Variants in BICC1 observed in about 807,000 individuals in gnomAD.
BICC1 encodes the protein protein bicaudal C homolog 1.
BICC1 carries 43 observed loss-of-function variants against 111.0 expected under a neutral mutation model. The observed-to-expected ratio is 0.39, with a 90% confidence interval of 0.30 to 0.50. The LOEUF (loss-of-function observed/expected upper bound fraction) is 0.50. Among genes scored for constraint, BICC1 ranks in the 20% least tolerant of loss-of-function variants. BICC1 has a pLI of 0.88. For missense variants in BICC1, 1,091 were observed against 1,203.2 expected (o/e 0.91, Z 1.38); for synonymous variants, 467 against 434.4 (o/e 1.07, Z -0.93).
chr10:58,812,399 T>C (rs1179189115), intron 17 of BICC1, among the ~76,000 whole-genome samples: 4 of 152,028 alleles, frequency 2.6e-5, no homozygotes, highest in Non-Finnish European at 4.4e-5. Context: ...TCAAGCACAC[T>C]GAGTTTAAGA....
chr10:58,685,466 G>A (rs889120802), intron 2 of BICC1, among the ~76,000 whole-genome samples: 2 of 152,154 alleles, frequency 1.3e-5, no homozygotes, highest in East Asian at 3.9e-4. Context: ...TGACAGTAGG[G>A]TGTTAAAATC....
intron 20 of BICC1, chr10:58,823,141 C>A: frequency 1.6e-6 from 1 of 629,012 alleles, no homozygotes; most frequent in Non-Finnish European, 2.0e-6. Flanking sequence ...TACAGGGACT[C>A]AGTGAAAGGA....
At chr10:58,722,185 T>C (rs1188319466) in intron 3 of BICC1, among the ~76,000 whole-genome samples, 1 of 152,224 alleles carries the variant, frequency 6.6e-6, no homozygotes, top group Non-Finnish European at 1.5e-5. Flanking sequence ...CCGGTTTCCA[T>C]GAGCAGTCAT....
chr10:58,711,821 A>T (rs1178134476), intron 3 of BICC1, among the ~76,000 whole-genome samples: 49 of 86,550 alleles, frequency 5.7e-4, no homozygotes, highest in African/African-American at 1.2e-3. Context: ...TTTTTTTTTT[A>T]AAGATATTTT....
chr10:58,512,812 G>T (rs1319150389), upstream of BICC1, among the ~76,000 whole-genome samples: 3 of 150,278 alleles, frequency 2.0e-5, no homozygotes, highest in Admixed American at 6.6e-5. Flanking sequence ...CTGTAGGGGC[G>T]GCGGGCGGGG....
intron 3 of BICC1, among the ~76,000 whole-genome samples, chr10:58,709,077 C>T (rs1840490823): frequency 6.6e-6 from 1 of 152,160 alleles, no homozygotes; most frequent in Non-Finnish European, 1.5e-5. Context: ...AAAATCCTCT[C>T]TTGTAGCTAT....
At chr10:58,708,279 A>C (rs1407894630) in intron 3 of BICC1, among the ~76,000 whole-genome samples, 1 of 152,140 alleles carries the variant, frequency 6.6e-6, no homozygotes, top group Non-Finnish European at 1.5e-5. Flanking sequence ...CGTGTGAGCC[A>C]CCATGCCTGG....
intron 3 of BICC1, among the ~76,000 whole-genome samples, chr10:58,704,411 C>T (rs889698062): frequency 3.3e-5 from 5 of 152,228 alleles, no homozygotes; most frequent in South Asian, 2.1e-4. Context: ...TTTAAGCACA[C>T]AGCTGCTGAA....
intron 20 of BICC1, among the ~76,000 whole-genome samples, chr10:58,827,013 G>T (rs1844419548): frequency 6.6e-6 from 1 of 152,234 alleles, no homozygotes; most frequent in Non-Finnish European, 1.5e-5. Context: ...AAGTCAGGAA[G>T]TAACTTGCCA....
In BICC1 at chr10:58,676,906, CAG is replaced by C. The variant is rs1839362701; in HGVS notation, c.238-25167_238-25166del. ...CCTCCGCTGGTGATATCGAGGCAAA[CAG>C]GGTCTGCAGTGGACCTCCAGCAAAC... On this transcript the variant is annotated intron_variant, in intron 2 of 20. Coordinates refer to ENST00000373886, the MANE Select transcript of BICC1 (RefSeq NM_001080512.3). Among the ~76,000 whole-genome samples, 3 of 152,302 alleles carry C rather than the reference CAG, an allele frequency of 2.0e-5. No individual in the cohort carries two copies. The South Asian group carries it at 6.2e-4, about 32-fold the overall frequency.
chr10:58,749,015 T>TATTTG (rs1841914355), intron 3 of BICC1, among the ~76,000 whole-genome samples: 1 of 152,194 alleles, frequency 6.6e-6, no homozygotes, highest in African/African-American at 2.4e-5. Context: ...TACTTAATAC[T>TATTTG]CAGGGCTATT....
intron 1 of BICC1, among the ~76,000 whole-genome samples, chr10:58,586,633 C>A (rs7476374): frequency 4.5e-4 from 66 of 147,300 alleles, no homozygotes; most frequent in African/African-American, 5.0e-4. Flanking sequence ...AAAAAAAAAA[C>A]AAAAAAAAAC....
intron 3 of BICC1, among the ~76,000 whole-genome samples, chr10:58,752,069 G>A (rs1343550638): frequency 6.6e-6 from 1 of 152,058 alleles, no homozygotes; most frequent in Non-Finnish European, 1.5e-5. Context: ...ACATAAAATT[G>A]GATGTTGTAT....
chr10:58,543,833 T>TA (rs11393752), intron 1 of BICC1, among the ~76,000 whole-genome samples: 65,100 of 134,684 alleles, frequency 0.48, 15,626 homozygotes, highest in African/African-American at 0.53. Context: ...TAACCATAAT[T>TA]AAAAAAAAAA....
rs745550961 is a variant in BICC1 at position 58,620,892 on chromosome 10, T to C, written c.228T>C (p.Phe76=). The C allele has an allele frequency of 9.9e-6, 16 of 1,613,436 alleles. No homozygotes were observed. Among genetic ancestry groups the C allele is most frequent in the Non-Finnish European group, 1.4e-5 (16 of 1,179,754 alleles). ...GGAAAGGCAGAAGTGGGGAAGACTT[T>C]TTTCAAAAGGTAAGTTGTCTTTTAC... ...AEGKGRSGED[F]FQKIMEETNT... Residue 76 remains phenylalanine, a synonymous_variant, in exon 2 of 21, where the codon TTT becomes TTC. Coordinates refer to ENST00000373886, the MANE Select transcript of BICC1 (RefSeq NM_001080512.3).
At chr10:58,716,108 A>T (rs971146362) in intron 3 of BICC1, 2 of 1,497,696 alleles carry the variant, frequency 1.3e-6, no homozygotes, top group Non-Finnish European at 1.8e-6. Flanking sequence ...ATGTATTCTG[A>T]AGATAAACCT....
rs1478856076 is a variant in BICC1, at chr10:58,820,485, A to G, written c.2794+17A>G. On this transcript the variant is annotated intron_variant, in intron 20 of 20. Transcript: ENST00000373886. ...CAATTTCAGGTGAATATAAATATTCAACTCATATGTTAAAATCTGAATAAC... is the reference window on the plus strand; with the variant it reads ...CAATTTCAGGTGAATATAAATATTCGACTCATATGTTAAAATCTGAATAAC... The G allele has an allele frequency of 1.3e-6, 2 of 1,546,466 alleles. No homozygotes were observed. The highest frequency in any genetic ancestry group is 2.2e-5 in the South Asian group (2 of 89,678).
chr10:58,648,152 G>A lies in BICC1; in HGVS notation c.237+27251G>A, dbSNP rs187680069. ...TTTTCTAGCAGGCCATTAGGCATAAGTAAGGGCAGTGTCTGCTCTTTTGAC... is the reference window on the plus strand; with the variant it reads ...TTTTCTAGCAGGCCATTAGGCATAAATAAGGGCAGTGTCTGCTCTTTTGAC... On this transcript the variant is annotated intron_variant, in intron 2 of 20. Coordinates refer to ENST00000373886, the MANE Select transcript of BICC1 (RefSeq NM_001080512.3). 1.2e-4 allele frequency among the ~76,000 whole-genome samples: 18 copies of A among 152,338 alleles called. No individual in the cohort carries two copies. The East Asian group carries it at 2.3e-3, about 20-fold the overall frequency.
At chr10:58,653,777 C>G (rs903551806) in intron 2 of BICC1, among the ~76,000 whole-genome samples, 1 of 149,096 alleles carries the variant, frequency 6.7e-6, no homozygotes, top group African/African-American at 2.5e-5. Flanking sequence ...GTGTGCTGCA[C>G]CCACTAACTC....
Sources: gnomAD v4.1 joint callset for allele counts (sites outside exome capture counted in the v4.1 genomes callset) on GRCh38, gnomAD v4.1.1 for gene constraint, MANE v1.5 for transcripts, NCBI Gene and HGNC (gene_info 2026-07-23, HGNC 2026-07-21) for gene names.